Variants in OSBPL5 observed in about 807,000 individuals in gnomAD.
The protein encoded by OSBPL5 is oxysterol binding protein like 5.
Under a neutral mutation model 111.2 loss-of-function variants are expected in OSBPL5, and 71 were observed. That is an observed-to-expected ratio of 0.64 (90% CI 0.53 to 0.78). The LOEUF is 0.78. Among genes scored for constraint, OSBPL5 ranks in the 30% least tolerant of loss-of-function variants. OSBPL5 has a pLI of 0.00. For synonymous variants in OSBPL5, 549 were observed against 513.9 expected, an observed-to-expected ratio of 1.07 and a Z score of -0.93; for missense variants, 1,210 against 1,189.3, an observed-to-expected ratio of 1.02 and a Z score of -0.26.
At position 3,142,449 on chromosome 11, in the gene OSBPL5, G is replaced by A. The variant is rs77767494; in HGVS notation, c.-21-13280C>T. Among the ~76,000 whole-genome samples the A allele has an allele frequency of 1.2e-4, 18 of 152,318 alleles. No homozygotes were observed. The East Asian group carries it at 3.5e-3, about 29-fold the overall frequency. On this transcript the variant is annotated intron_variant, in intron 1 of 21. Transcript: ENST00000263650. The surrounding 1 kb of genome is among the most constrained non-coding windows in gnomAD (Gnocchi z 7.1). ...ACCCCTCCATGCCCTGCTGCCACAA[G>A]GGCCCAGGATCCCTCCCCACTCGCT...
rs574407465 is a variant in OSBPL5 at position 3,107,094 on chromosome 11, C to A, written c.1059+169G>T. ...CAGCCTCTTTGGAAGACGGGAGGAG[C>A]CTGTTTACCTAAAAGACAGCTCCTG... On this transcript the variant is annotated intron_variant, in intron 9 of 21. Coordinates refer to ENST00000263650, the MANE Select transcript of OSBPL5 (RefSeq NM_020896.4). This position sits in a 1 kb window ranked among gnomAD's most constrained non-coding sequence, Gnocchi z 6.1. Among the ~76,000 whole-genome samples, 2 of 152,182 alleles carry A rather than the reference C, an allele frequency of 1.3e-5. No individual in the cohort carries two copies. The highest frequency in any genetic ancestry group is 2.4e-5 in the African/African-American group (1 of 41,444).
chr11:3,138,293 C>A (rs1846006402), intron 1 of OSBPL5, among the ~76,000 whole-genome samples: 2 of 152,206 alleles, frequency 1.3e-5, no homozygotes, highest in Non-Finnish European at 2.9e-5. Context: ...GGGCGTGGTC[C>A]CTGAGGCAGG....
Position 3,093,760 on chromosome 11 carries a change from G to T in OSBPL5, c.1795C>A (p.Leu599Ile). Residue 599 changes from leucine (L) to isoleucine (I), a missense_variant, in exon 16 of 22, where the codon CTC becomes ATC. Leu to Ile is a conservative substitution (Grantham distance 5). Coordinates refer to ENST00000263650, the MANE Select transcript of OSBPL5 (RefSeq NM_020896.4). ...ITSGEEVLAS[L>I]SGHWDRDVFI... ...CGGCCCCTTACCCAGTGGCCACTGA[G>T]GCTCGCCAGGACTTCCTCTCCCGAC... 6.2e-7 allele frequency: 1 copy of T among 1,613,130 alleles called. No homozygotes were observed. Among genetic ancestry groups the T allele is most frequent in the Non-Finnish European group, 8.5e-7 (1 of 1,179,988 alleles).
rs978248740 is a variant in OSBPL5 at position 3,109,090 on chromosome 11, G to GT, written c.692-1146dup. 6.6e-6 allele frequency among the ~76,000 whole-genome samples: 1 copy of GT among 150,792 alleles called. No individual in the cohort carries two copies. The highest frequency in any genetic ancestry group is 1.5e-5 in the Non-Finnish European group (1 of 67,720). On this transcript the variant is annotated intron_variant, in intron 7 of 21. Coordinates refer to ENST00000263650, the MANE Select transcript of OSBPL5 (RefSeq NM_020896.4). The surrounding 1 kb of genome is among the most constrained non-coding windows in gnomAD (Gnocchi z 7.4). ...GTCAATAAGTGTGTTTTTTGTTTTT[G>GT]TTTTTTTGTTGTTTTGAGATGGAGT...
rs979179289 is a variant in OSBPL5, at chr11:3,107,046, A to T, written c.1059+217T>A. On this transcript the variant is annotated intron_variant, in intron 9 of 21. Transcript: ENST00000263650. This position sits in a 1 kb window ranked among gnomAD's most constrained non-coding sequence, Gnocchi z 6.1. ...TGCCCGATCCCCGCATCTGCATGCC[A>T]GCCAGCCAGCCAGCCAGCGGGGCAG... 1.3e-5 allele frequency among the ~76,000 whole-genome samples: 2 copies of T among 152,042 alleles called. No homozygotes were observed. The highest frequency in any genetic ancestry group is 4.8e-5 in the African/African-American group (2 of 41,400).
intron 1 of OSBPL5, among the ~76,000 whole-genome samples, chr11:3,160,687 C>T (rs1214895992): frequency 5.4e-5 from 8 of 148,408 alleles, no homozygotes; most frequent in Non-Finnish European, 1.0e-4. Context: ...CCCCCCACCC[C>T]GCCCCCACAC....
rs193257166 is a variant in OSBPL5 at position 3,113,014 on chromosome 11, T to C, written c.692-5069A>G. On this transcript the variant is annotated intron_variant, in intron 7 of 21. Transcript: ENST00000263650. The surrounding 1 kb of genome is among the most constrained non-coding windows in gnomAD (Gnocchi z 4.8). ...CTTCTATTGCCATGCCTAATATGTC[T>C]ATGTATTTATGTGTCGTGTACACAA... Among the ~76,000 whole-genome samples the C allele has an allele frequency of 1.3e-5, 2 of 152,360 alleles. No homozygotes were observed. Among genetic ancestry groups the C allele is most frequent in the East Asian group, 3.8e-4 (2 of 5,196 alleles).
At position 3,104,175 on chromosome 11, in the gene OSBPL5, TC is replaced by T. The variant is rs372410051; in HGVS notation, c.1244+17del. ...TGCAGGACGAGGTGTGGGGTGCCCC[TC>T]CCGGCATGGCGCGCACCTGGAGAGC... On this transcript the variant is annotated intron_variant, in intron 10 of 21. Coordinates refer to ENST00000263650, the MANE Select transcript of OSBPL5 (RefSeq NM_020896.4). The surrounding 1 kb of genome is among the most constrained non-coding windows in gnomAD (Gnocchi z 5.0). 47 of 1,590,770 alleles carry T rather than the reference TC, an allele frequency of 3.0e-5. No individual in the cohort carries two copies. In the African/African-American group the frequency reaches 5.5e-4, roughly 19 times the overall value.
chr11:3,122,442 G>A lies in OSBPL5; in HGVS notation c.220-14C>T. On this transcript the variant is annotated splice_polypyrimidine_tract_variant and intron_variant, in intron 3 of 21. Coordinates refer to ENST00000263650, the MANE Select transcript of OSBPL5 (RefSeq NM_020896.4). ...CCTGTACTCTGCCTGAAAGAGAGAG[G>A]TGGGTATGCGGGACAGGGCACAGGG... is the stretch of plus-strand genomic sequence containing the variant. 1 of 1,612,872 alleles carries A rather than the reference G, an allele frequency of 6.2e-7. No individual in the cohort carries two copies. The highest frequency in any genetic ancestry group is 2.2e-5 in the East Asian group (1 of 44,832).
At chr11:3,114,664 T>C (rs1858147116) in intron 7 of OSBPL5, among the ~76,000 whole-genome samples, 1 of 147,306 alleles carries the variant, frequency 6.8e-6, no homozygotes, top group Non-Finnish European at 1.5e-5. Context: ...AGTGGCGTGA[T>C]CTTGGCTCAC....
chr11:3,112,617 G>A (rs1383860715), intron 7 of OSBPL5, among the ~76,000 whole-genome samples: 1 of 152,002 alleles, frequency 6.6e-6, no homozygotes, highest in Non-Finnish European at 1.5e-5. Flanking sequence ...GCATCACGTG[G>A]TCTAACCTCA....
intron 10 of OSBPL5, among the ~76,000 whole-genome samples, chr11:3,103,744 A>T (rs1218840360): frequency 4.3e-5 from 2 of 46,280 alleles, no homozygotes; most frequent in African/African-American, 1.3e-4. Flanking sequence ...CTGCCTCTGC[A>T]ACCCTCTTCC....
In OSBPL5 at chr11:3,112,343, G is replaced by C. The variant is rs185626142; in HGVS notation, c.692-4398C>G. Among the ~76,000 whole-genome samples, 575 of 152,302 alleles carry C rather than the reference G, an allele frequency of 3.8e-3. 5 individuals carry two copies. Among genetic ancestry groups the C allele is most frequent in the African/African-American group, 0.013 (549 of 41,550 alleles). On this transcript the variant is annotated intron_variant, in intron 7 of 21. Transcript: ENST00000263650. ...AGCCTGGGGTTCCTTAAAGAAAATG[G>C]AGAGGGTGCCAGACTCCCCTTGGGG...
intron 1 of OSBPL5, among the ~76,000 whole-genome samples, chr11:3,133,557 T>C (rs1046323038): frequency 6.6e-6 from 1 of 152,230 alleles, no homozygotes; most frequent in African/African-American, 2.4e-5. Flanking sequence ...GCGGCCTCCA[T>C]GCCCTGGGGG....
rs925842736 is a variant in OSBPL5, at chr11:3,162,402, C to A, written c.-22+2814G>T. On this transcript the variant is annotated intron_variant, in intron 1 of 21. Coordinates refer to ENST00000263650, the MANE Select transcript of OSBPL5 (RefSeq NM_020896.4). The surrounding 1 kb of genome is among the most constrained non-coding windows in gnomAD (Gnocchi z 8.1). ...CCAGCCAAGAAGGCTCATGTCCCACCCCCTCCCCATCTCCCACCTCAAGCC... is the reference window on the plus strand; with the variant it reads ...CCAGCCAAGAAGGCTCATGTCCCACACCCTCCCCATCTCCCACCTCAAGCC... Among the ~76,000 whole-genome samples, 1 of 151,972 alleles carries A rather than the reference C, an allele frequency of 6.6e-6. No individual in the cohort carries two copies. Among genetic ancestry groups the A allele is most frequent in the Non-Finnish European group, 1.5e-5 (1 of 67,992 alleles).
rs1399749192 is a variant in OSBPL5 at position 3,104,170 on chromosome 11, G to A, written c.1244+23C>T. On this transcript the variant is annotated intron_variant, in intron 10 of 21. Transcript: ENST00000263650. The surrounding 1 kb of genome is among the most constrained non-coding windows in gnomAD (Gnocchi z 5.0). ...GCAGATGCAGGACGAGGTGTGGGGT[G>A]CCCCTCCCGGCATGGCGCGCACCTG... 5.7e-6 allele frequency: 9 copies of A among 1,587,102 alleles called. No individual in the cohort carries two copies. The highest frequency in any genetic ancestry group is 7.7e-6 in the Non-Finnish European group (9 of 1,161,432).
rs118121319 is a variant in OSBPL5 at position 3,092,675 on chromosome 11, T to C, written c.2133-117A>G. The C allele has an allele frequency of 5.1e-4, 716 of 1,391,128 alleles. 9 individuals carry two copies. The East Asian group carries it at 0.016, about 32-fold the overall frequency. 86.2% of individuals were successfully genotyped at this position (1,391,128 alleles called of 1,614,324 possible). A position where few individuals can be genotyped will look rare whatever the true frequency, so the allele number is the denominator to read the frequency against. ...CAGAGACCTCCAGGAGAATGACCAC[T>C]GCCCACACCCCATGGGCAGGGCCTG... is the stretch of plus-strand genomic sequence containing the variant. On this transcript the variant is annotated intron_variant, in intron 18 of 21. Coordinates refer to ENST00000263650, the MANE Select transcript of OSBPL5 (RefSeq NM_020896.4). The surrounding 1 kb of genome is among the most constrained non-coding windows in gnomAD (Gnocchi z 5.4).
At position 3,104,079 on chromosome 11, in the gene OSBPL5, C is replaced by T. The variant is rs560262481; in HGVS notation, c.1244+114G>A. ...AGCTGCAGAAACAGTGGGCTGAGAT[C>T]AGCCATGGGATTCTCTGGAAGCCCC... On this transcript the variant is annotated intron_variant, in intron 10 of 21. Coordinates refer to ENST00000263650, the MANE Select transcript of OSBPL5 (RefSeq NM_020896.4). The surrounding 1 kb of genome is among the most constrained non-coding windows in gnomAD (Gnocchi z 5.0). 7.9e-7 allele frequency: 1 copy of T among 1,268,354 alleles called. No homozygotes were observed. Among genetic ancestry groups the T allele is most frequent in the South Asian group, 1.5e-5 (1 of 68,054 alleles). The allele number at this position is 1,268,354 out of a possible 1,614,324, so 78.6% of individuals were successfully genotyped here.
At chr11:3,124,060 G>A (rs1858514702) in intron 3 of OSBPL5, among the ~76,000 whole-genome samples, 1 of 152,214 alleles carries the variant, frequency 6.6e-6, no homozygotes, top group South Asian at 2.1e-4. Flanking sequence ...GGTGAGCGCT[G>A]CGGTTCTGCG....
Sources: gnomAD v4.1 joint callset for allele counts (sites outside exome capture counted in the v4.1 genomes callset) on GRCh38, gnomAD v4.1.1 for gene constraint, Gnocchi (gnomAD v3.1) non-coding constraint, MANE v1.5 for transcripts, NCBI Gene and HGNC (gene_info 2026-07-23, HGNC 2026-07-21) for gene names.